Variants in CDH18 observed in about 807,000 individuals in gnomAD.
The protein encoded by CDH18 is cadherin-18.
CDH18 carries 31 observed loss-of-function variants against 67.9 expected under a neutral mutation model. The ratio of observed to expected loss-of-function variants is 0.46; its 90% CI spans 0.34 to 0.62. The LOEUF (loss-of-function observed/expected upper bound fraction) is 0.62, where lower values mean the gene tolerates loss of function less well. Ranked by LOEUF, CDH18 falls within the 20% of genes least tolerant of loss-of-function variation. The pLI is 0.01. For missense variants in CDH18, 890 were observed against 975.5 expected, an observed-to-expected ratio of 0.91 and a Z score of 1.17; for synonymous variants, 362 against 347.2, an observed-to-expected ratio of 1.04 and a Z score of -0.48.
At chr5:20,292,084 C>A (rs769680055) in intron 1 of CDH18, among the ~76,000 whole-genome samples, 1 of 152,152 alleles carries the variant, frequency 6.6e-6, no homozygotes. Flanking sequence ...AGTAATGAAC[C>A]ATTTGCAAAG....
chr5:20,204,818 C>T (rs1387408792), intron 2 of CDH18, among the ~76,000 whole-genome samples: 1 of 151,242 alleles, frequency 6.6e-6, no homozygotes, highest in African/African-American at 2.4e-5. Context: ...TGTTCCTATT[C>T]TTTTCTTTGT....
At chr5:19,560,991 C>A (rs922708556) in intron 8 of CDH18, among the ~76,000 whole-genome samples, 5 of 151,904 alleles carry the variant, frequency 3.3e-5, no homozygotes, top group East Asian at 1.9e-4. Flanking sequence ...TGGCCATAAT[C>A]AAAAAATCAA....
intron 6 of CDH18, among the ~76,000 whole-genome samples, chr5:19,596,832 G>T (rs925319539): frequency 1.3e-5 from 2 of 152,258 alleles, no homozygotes; most frequent in African/African-American, 4.8e-5. Context: ...AGTGCATTAA[G>T]ATTAATATTT....
intron 2 of CDH18, among the ~76,000 whole-genome samples, chr5:20,055,990 C>CT (rs34736791): frequency 0.029 from 2,140 of 73,800 alleles, 140 homozygotes; most frequent in East Asian, 0.034. Context: ...TTTTGGTTTC[C>CT]TTTTTTTTTT....
chr5:19,659,006 G>A (rs1025466037), intron 5 of CDH18, among the ~76,000 whole-genome samples: 3 of 152,054 alleles, frequency 2.0e-5, no homozygotes, highest in African/African-American at 7.2e-5. Flanking sequence ...GTAGGGACAT[G>A]GATGAAGCTG....
At chr5:19,985,384 T>C (rs1799456176) in intron 1 of CDH18, among the ~76,000 whole-genome samples, 2 of 152,092 alleles carry the variant, frequency 1.3e-5, no homozygotes, top group African/African-American at 4.8e-5. Context: ...CACTGAGTGG[T>C]TCTCAAAATT....
intron 1 of CDH18, among the ~76,000 whole-genome samples, chr5:20,334,777 C>CACACAA (rs1305052201): frequency 1.3e-5 from 2 of 151,752 alleles, no homozygotes; most frequent in African/African-American, 4.8e-5. Context: ...CACACACACA[C>CACACAA]ACACACACAC....
At chr5:19,826,757 C>CA (rs1208481477) in intron 3 of CDH18, among the ~76,000 whole-genome samples, 1 of 152,082 alleles carries the variant, frequency 6.6e-6, no homozygotes, top group Non-Finnish European at 1.5e-5. Flanking sequence ...AGAGAAATAC[C>CA]ATTACCAGCC....
chr5:20,240,798 G>C (rs1170477216), intron 2 of CDH18, among the ~76,000 whole-genome samples: 1 of 151,978 alleles, frequency 6.6e-6, no homozygotes, highest in Non-Finnish European at 1.5e-5. Context: ...TTATTCTCAA[G>C]TTCTGCTTTT....
chr5:20,262,100 A>G (rs1376481381), intron 1 of CDH18, among the ~76,000 whole-genome samples: 1 of 152,190 alleles, frequency 6.6e-6, no homozygotes, highest in Non-Finnish European at 1.5e-5. Flanking sequence ...AATAAATAAT[A>G]CTTTGTTCCT....
At chr5:20,163,370 C>A (rs978291341) in intron 2 of CDH18, among the ~76,000 whole-genome samples, 5 of 152,136 alleles carry the variant, frequency 3.3e-5, no homozygotes, top group African/African-American at 1.2e-4. Context: ...TTATTCAGAT[C>A]AGTATAAATG....
intron 11 of CDH18, among the ~76,000 whole-genome samples, chr5:19,489,300 T>A (rs1053528300): frequency 6.8e-6 from 1 of 147,580 alleles, no homozygotes; most frequent in African/African-American, 2.5e-5. Context: ...CAGGCTGGAG[T>A]GCAGTGGTGC....
Position 19,883,396 on chromosome 5 carries a change from T to C in CDH18, c.-256-44154A>G, listed in dbSNP as rs114720951. Among the ~76,000 whole-genome samples the C allele has an allele frequency of 5.8e-3, 879 of 152,086 alleles. 12 individuals carry two copies. The highest frequency in any genetic ancestry group is 0.02 in the African/African-American group (834 of 41,498). On this transcript the variant is annotated intron_variant, in intron 2 of 12. Transcript: ENST00000382275. ...ATACACTGAAACCTACTCTTGGTCATACAGGTTTTCACACAATGACTATCC... is the reference window on the plus strand; with the variant it reads ...ATACACTGAAACCTACTCTTGGTCACACAGGTTTTCACACAATGACTATCC...
At chr5:20,415,319 G>A (rs1022505832) in intron 1 of CDH18, among the ~76,000 whole-genome samples, 7 of 151,572 alleles carry the variant, frequency 4.6e-5, no homozygotes, top group African/African-American at 7.3e-5. Context: ...CTTGGGAGGC[G>A]GAGGTTGCAG....
chr5:20,057,533 C>T (rs1233620610), intron 2 of CDH18, among the ~76,000 whole-genome samples: 1 of 152,148 alleles, frequency 6.6e-6, no homozygotes, highest in Non-Finnish European at 1.5e-5. Flanking sequence ...GTTCCATGCA[C>T]TGGGGTTACA....
intron 1 of CDH18, among the ~76,000 whole-genome samples, chr5:20,354,109 A>G (rs1741416618): frequency 6.6e-6 from 1 of 152,224 alleles, no homozygotes; most frequent in Admixed American, 6.5e-5. Flanking sequence ...GAGTTTTCAG[A>G]AATTATTTTT....
chr5:19,611,514 CCA>C (rs1483972117), intron 6 of CDH18, among the ~76,000 whole-genome samples: 1 of 152,090 alleles, frequency 6.6e-6, no homozygotes, highest in African/African-American at 2.4e-5. Context: ...AGGCAGTATT[CCA>C]CAGTGTCTAG....
chr5:20,462,160 G>T (rs999732856), intron 1 of CDH18, among the ~76,000 whole-genome samples: 46 of 152,164 alleles, frequency 3.0e-4, no homozygotes, highest in Non-Finnish European at 1.6e-4. Flanking sequence ...AATGTGGCAA[G>T]TATACATAAT....
chr5:19,799,781 T>C (rs927734048), intron 3 of CDH18, among the ~76,000 whole-genome samples: 1 of 152,146 alleles, frequency 6.6e-6, no homozygotes, highest in Non-Finnish European at 1.5e-5. Flanking sequence ...GTTCGTATCA[T>C]GCATTATCTT....
Sources: gnomAD v4.1 joint callset for allele counts (sites outside exome capture counted in the v4.1 genomes callset) on GRCh38, gnomAD v4.1.1 for gene constraint, MANE v1.5 for transcripts, NCBI Gene and HGNC (gene_info 2026-07-23, HGNC 2026-07-21) for gene names.